Variants in SUSD4 observed in about 807,000 individuals in gnomAD.
SUSD4 encodes sushi domain-containing protein 4.
In SUSD4, 41 loss-of-function variants were observed where a neutral mutation model predicts 50.5. The ratio of observed to expected loss-of-function variants is 0.81; its 90% CI spans 0.63 to 1.05. The LOEUF (loss-of-function observed/expected upper bound fraction) is 1.05, where lower values mean the gene tolerates loss of function less well. Among genes scored for constraint, SUSD4 ranks in the 50% least tolerant of loss-of-function variants. SUSD4 has a pLI of 0.00. For synonymous variants in SUSD4, 257 were observed against 257.3 expected, an observed-to-expected ratio of 1.00 and a Z score of 0.01; for missense variants, 580 against 634.7, an observed-to-expected ratio of 0.91 and a Z score of 0.93.
chr1:223,270,623 G>A (rs185623131), intron 3 of SUSD4, among the ~76,000 whole-genome samples: 37 of 152,250 alleles, frequency 2.4e-4, no homozygotes, highest in Non-Finnish European at 4.4e-4. Context: ...AGGCTGGAGT[G>A]CAGTGGCATA....
chr1:223,302,302 T>C (rs1479617033), intron 2 of SUSD4, among the ~76,000 whole-genome samples: 1 of 152,208 alleles, frequency 6.6e-6, no homozygotes, highest in Non-Finnish European at 1.5e-5. Context: ...TATGTCTTTA[T>C]AGCAGTGTGA....
intron 5 of SUSD4, among the ~76,000 whole-genome samples, chr1:223,241,663 T>A (rs550330309): frequency 2.0e-5 from 3 of 152,086 alleles, no homozygotes; most frequent in African/African-American, 7.2e-5. Context: ...AAACTGAAAG[T>A]CCCCCCAAAG....
chr1:223,223,317 T>A lies in SUSD4; in HGVS notation c.1376A>T (p.Asn459Ile). 6.2e-7 allele frequency: 1 copy of A among 1,603,058 alleles called. No homozygotes were observed. Among genetic ancestry groups the A allele is most frequent in the African/African-American group, 1.3e-5 (1 of 74,862 alleles). ...TGCCGTGCTGGCAATTATGTCAGGG[T>A]TGTCCGAAGCAGGGTGGGTGCTCTC... is the stretch of plus-strand genomic sequence containing the variant. The part of the protein sequence containing the change: ...CQESTHPASD[N>I]PDIIASTAEE... Residue 459 changes from asparagine to isoleucine, a missense_variant, in exon 8 of 9, where the codon AAC becomes ATC. Physicochemically the swap from Asn to Ile is moderately radical, Grantham distance 149 (BLOSUM62 -3). Transcript: ENST00000366878.
At chr1:223,242,773 G>A (rs1426427856) in intron 5 of SUSD4, among the ~76,000 whole-genome samples, 1 of 152,184 alleles carries the variant, frequency 6.6e-6, no homozygotes, top group Non-Finnish European at 1.5e-5. Context: ...CTGGGCCAGT[G>A]GCTTGCTAAG....
chr1:223,341,731 C>G (rs1006789136), intron 2 of SUSD4, among the ~76,000 whole-genome samples: 2 of 152,314 alleles, frequency 1.3e-5, no homozygotes, highest in African/African-American at 4.8e-5. Context: ...CCAACTCCCC[C>G]TTCCCAGTTA....
At chr1:223,234,437 C>CA (rs1660082443) in intron 5 of SUSD4, among the ~76,000 whole-genome samples, 1 of 152,160 alleles carries the variant, frequency 6.6e-6, no homozygotes, top group Non-Finnish European at 1.5e-5. Flanking sequence ...AATACTTGTA[C>CA]AGATTCATAA....
At chr1:223,228,547 G>C (rs1242685872) in intron 6 of SUSD4, among the ~76,000 whole-genome samples, 1 of 152,218 alleles carries the variant, frequency 6.6e-6, no homozygotes, top group Non-Finnish European at 1.5e-5. Context: ...TCTCTATCCT[G>C]TGGTCACTAC....
At chr1:223,334,534 T>C (rs1295747909) in intron 2 of SUSD4, among the ~76,000 whole-genome samples, 1 of 152,146 alleles carries the variant, frequency 6.6e-6, no homozygotes, top group Non-Finnish European at 1.5e-5. Context: ...ATCTACCTTA[T>C]TGGGGAATTT....
rs201373771 is a variant in SUSD4, at chr1:223,227,724, T to G, written c.931A>C (p.Ser311Arg). The change falls in exon 7 of 9, where the codon AGC (serine) becomes CGC (arginine). Residue 311 changes from serine to arginine, a missense_variant. By Grantham distance (110) the Ser-to-Arg change is moderately radical. Coordinates refer to ENST00000366878, the MANE Select transcript of SUSD4 (RefSeq NM_017982.4). This position sits in a 1 kb window ranked among gnomAD's most constrained non-coding sequence, Gnocchi z 4.5. ...YCIKSEQTWP[S>R]THETLLTTWK... Reference sequence around the variant, plus strand: ...GTGGTCAGGAGGGTCTCATGGGTGCTGGGCCACGTTTGCTCTGCATGAGGG... The same window carrying G: ...GTGGTCAGGAGGGTCTCATGGGTGCGGGGCCACGTTTGCTCTGCATGAGGG... 6.2e-7 allele frequency: 1 copy of G among 1,612,272 alleles called. No homozygotes were observed. The highest frequency in any genetic ancestry group is 2.2e-5 in the East Asian group (1 of 44,798).
rs937967513 is a variant in SUSD4, at chr1:223,308,983, C to T, written c.149-16332G>A. The stretch of plus-strand genomic sequence containing the variant: ...ATAAAGGATTTACTTATAAGGATGA[C>T]GATATGAACTCATCCAAAAAGACTT... On this transcript the variant is annotated intron_variant, in intron 2 of 8. Coordinates refer to ENST00000366878, the MANE Select transcript of SUSD4 (RefSeq NM_017982.4). Among the ~76,000 whole-genome samples the T allele has an allele frequency of 7.2e-5, 11 of 152,262 alleles. 1 individual carries two copies. In the East Asian group the frequency reaches 7.7e-4, roughly 11 times the overall value.
intron 5 of SUSD4, among the ~76,000 whole-genome samples, chr1:223,260,348 G>A (rs553270321): frequency 6.6e-6 from 1 of 152,224 alleles, no homozygotes; most frequent in South Asian, 2.1e-4. Context: ...AGTCACTGGT[G>A]ACAACATAAA....
rs777831987 is a variant in SUSD4, at chr1:223,231,091, C to T, written c.725-1703G>A. Among the ~76,000 whole-genome samples the T allele has an allele frequency of 6.6e-6, 1 of 151,972 alleles. No individual in the cohort carries two copies. Among genetic ancestry groups the T allele is most frequent in the Non-Finnish European group, 1.5e-5 (1 of 67,980 alleles). ...GATGAAGGGGTCTCGTTGCTGGGGT[C>T]CCTAGTGGAAGGTGGAACCATGGAG... On this transcript the variant is annotated intron_variant, in intron 5 of 8. Transcript: ENST00000366878. This position sits in a 1 kb window ranked among gnomAD's most constrained non-coding sequence, Gnocchi z 4.2.
chr1:223,322,927 C>G (rs1007771690), intron 2 of SUSD4, among the ~76,000 whole-genome samples: 2 of 152,194 alleles, frequency 1.3e-5, no homozygotes, highest in African/African-American at 4.8e-5. Flanking sequence ...ACAGCTAAGC[C>G]TTTCCCCAAG....
At chr1:223,364,896 A>C (rs1274992875), upstream of SUSD4, among the ~76,000 whole-genome samples, 2 of 151,996 alleles carry the variant, frequency 1.3e-5, no homozygotes, top group East Asian at 1.9e-4. This position sits in a 1 kb window ranked among gnomAD's most constrained non-coding sequence, Gnocchi z 4.5. Context: ...AGCCCGAAGG[A>C]CCATCTGAGG....
intron 6 of SUSD4, among the ~76,000 whole-genome samples, chr1:223,228,691 T>C (rs1340657224): frequency 6.6e-6 from 1 of 152,166 alleles, no homozygotes; most frequent in African/African-American, 2.4e-5. Context: ...ATCATCTGTA[T>C]TCTGATATGT....
At chr1:223,257,816 G>A (rs1661804154) in intron 5 of SUSD4, among the ~76,000 whole-genome samples, 1 of 152,230 alleles carries the variant, frequency 6.6e-6, no homozygotes, top group Non-Finnish European at 1.5e-5. Context: ...GGTGGCAGGA[G>A]GAAGATAGGA....
At chr1:223,233,731 G>A (rs1660040333) in intron 5 of SUSD4, among the ~76,000 whole-genome samples, 1 of 152,202 alleles carries the variant, frequency 6.6e-6, no homozygotes, top group Admixed American at 6.5e-5. Context: ...ACTCCTTTAG[G>A]CTCAGCCTGT....
chr1:223,265,788 T>C (rs932211589), intron 4 of SUSD4, among the ~76,000 whole-genome samples: 1 of 152,218 alleles, frequency 6.6e-6, no homozygotes, highest in Admixed American at 6.5e-5. Context: ...GCTTCAGCAG[T>C]TTCACTGGAG....
chr1:223,362,927 GC>G, intron 2 of SUSD4, among the ~76,000 whole-genome samples: 1 of 43,724 alleles, frequency 2.3e-5, no homozygotes, highest in South Asian at 1.1e-3. Context: ...ACTCCCCACT[GC>G]CCCCACCCCC....
Sources: gnomAD v4.1 joint callset for allele counts (sites outside exome capture counted in the v4.1 genomes callset) on GRCh38, gnomAD v4.1.1 for gene constraint, Gnocchi (gnomAD v3.1) non-coding constraint, MANE v1.5 for transcripts, NCBI Gene and HGNC (gene_info 2026-07-23, HGNC 2026-07-21) for gene names.